Variants in IL1RL1 observed in about 807,000 individuals in gnomAD.
IL1RL1 encodes the protein interleukin-1 receptor-like 1.
In IL1RL1, 32 loss-of-function variants were observed where a neutral mutation model predicts 50.9. The observed-to-expected ratio is 0.63, with a 90% CI of 0.47 to 0.84. The LOEUF (loss-of-function observed/expected upper bound fraction) is 0.84. IL1RL1 is among the 40% of genes least tolerant of loss of function. The pLI is 0.00. For missense variants in IL1RL1, 773 were observed against 662.9 expected, an observed-to-expected ratio of 1.17 and a Z score of -1.82; for synonymous variants, 275 against 236.0, an observed-to-expected ratio of 1.17 and a Z score of -1.51.
intron 8 of IL1RL1, chr2:102,343,630 C>G (rs1285033866): frequency 1.9e-5 from 27 of 1,435,624 alleles, no homozygotes; most frequent in Non-Finnish European, 2.5e-5. Context: ...CGTCCTCCCC[C>G]ACTCCCTCCT....
At chr2:102,324,281 A>T (rs1447017628) in intron 1 of IL1RL1, among the ~76,000 whole-genome samples, 2 of 152,216 alleles carry the variant, frequency 1.3e-5, no homozygotes, top group Admixed American at 6.5e-5. Flanking sequence ...TCCATCAATG[A>T]TGCATGAGAG....
At chr2:102,326,134 T>G (rs1422320017) in intron 1 of IL1RL1, among the ~76,000 whole-genome samples, 1 of 152,226 alleles carries the variant, frequency 6.6e-6, no homozygotes, top group Non-Finnish European at 1.5e-5. Flanking sequence ...GGGAAGCCCA[T>G]CAGACTAAAA....
chr2:102,328,772 A>T (rs1165723941), intron 1 of IL1RL1, among the ~76,000 whole-genome samples: 1 of 152,202 alleles, frequency 6.6e-6, no homozygotes, highest in East Asian at 1.9e-4. Flanking sequence ...CTAGGAATCC[A>T]ACTTACAAGG....
intron 1 of IL1RL1, among the ~76,000 whole-genome samples, chr2:102,332,252 G>A (rs566036871): frequency 6.6e-6 from 1 of 152,256 alleles, no homozygotes; most frequent in South Asian, 2.1e-4. Context: ...TAGAAGTGAT[G>A]AATGCCTTAG....
intron 1 of IL1RL1, among the ~76,000 whole-genome samples, chr2:102,331,603 G>A (rs1677180679): frequency 6.6e-6 from 1 of 152,306 alleles, no homozygotes; most frequent in South Asian, 2.1e-4. Flanking sequence ...CCTCCCAAGG[G>A]TGACTCAGGT....
chr2:102,336,574 T>C (rs1174953868), intron 1 of IL1RL1, among the ~76,000 whole-genome samples: 3 of 152,204 alleles, frequency 2.0e-5, no homozygotes, highest in Non-Finnish European at 4.4e-5. Flanking sequence ...AAGTTTGTTT[T>C]ACCTGGAGCC....
chr2:102,351,127 A>T (rs6749114), intron 10 of IL1RL1, among the ~76,000 whole-genome samples: 22 of 152,088 alleles, frequency 1.4e-4, no homozygotes, highest in Admixed American at 3.9e-4. Flanking sequence ...TGAGTTTGTG[A>T]TTTTTAATAT....
rs1355798920 is a variant in IL1RL1 at position 102,346,186 on chromosome 2, T to A, written c.971-1759T>A. ...AGAACAAAAACTTGAAAGGCCTATG[T>A]CTCCATTTTATTAACTATTACTAAA... On this transcript the variant is annotated intron_variant, in intron 8 of 10. Coordinates refer to ENST00000233954, the MANE Select transcript of IL1RL1 (RefSeq NM_016232.5). The A allele has an allele frequency of 1.3e-5, 4 of 318,506 alleles. No individual in the cohort carries two copies. In the East Asian group the frequency reaches 6.8e-4, roughly 54 times the overall value. The allele number at this position is 318,506 out of a possible 1,614,324, so 19.7% of individuals were successfully genotyped here. A position where few individuals can be genotyped will look rare whatever the true frequency, so the allele number is the denominator to read the frequency against.
intron 5 of IL1RL1, chr2:102,341,047 A>C (rs1197038516): frequency 7.5e-6 from 5 of 668,062 alleles, no homozygotes; most frequent in Non-Finnish European, 1.1e-5. Context: ...TACTAATTCA[A>C]AGCCACATCT....
intron 1 of IL1RL1, among the ~76,000 whole-genome samples, chr2:102,328,975 T>C (rs1479179789): frequency 6.6e-6 from 1 of 152,098 alleles, no homozygotes; most frequent in East Asian, 1.9e-4. Context: ...CTTCACAGAA[T>C]TGGAAAAAAC....
Position 102,338,335 on chromosome 2 carries a change from G to T in IL1RL1, c.61+10G>T, listed in dbSNP as rs1396127359. On this transcript the variant is annotated intron_variant, in intron 2 of 10. Transcript: ENST00000233954. ...ACAGCAGCAAAGTTTAGTAAGTATT[G>T]CCTTCTAAGTATAATTTAAATTTTT... The T allele has an allele frequency of 6.7e-7, 1 of 1,491,642 alleles. No individual in the cohort carries two copies. The highest frequency in any genetic ancestry group is 9.3e-7 in the Non-Finnish European group (1 of 1,077,356). The allele number at this position is 1,491,642 out of a possible 1,614,324, so 92.4% of individuals were successfully genotyped here. A position where few individuals can be genotyped will look rare whatever the true frequency, so the allele number is the denominator to read the frequency against.
rs147316935 is a variant in IL1RL1, at chr2:102,338,919, G to C, written c.144G>C (p.Trp48Cys). 5.0e-6 allele frequency: 8 copies of C among 1,613,806 alleles called. No individual in the cohort carries two copies. Among genetic ancestry groups the C allele is most frequent in the Non-Finnish European group, 5.9e-6 (7 of 1,179,750 alleles). ...RQGKPSYTVD[W>C]YYSQTNKSIP... ...GAAAACCTAGTTACACCGTGGATTG[G>C]TATTACTCACAAACAAACAAAAGTA... The change falls in exon 3 of 11, where the codon TGG becomes TGC. Residue 48 changes from tryptophan to cysteine, a missense_variant. Coordinates refer to ENST00000233954, the MANE Select transcript of IL1RL1 (RefSeq NM_016232.5).
intron 1 of IL1RL1, among the ~76,000 whole-genome samples, chr2:102,324,944 A>G (rs1676948829): frequency 6.6e-6 from 1 of 152,198 alleles, no homozygotes; most frequent in African/African-American, 2.4e-5. Flanking sequence ...AGCTAAACAA[A>G]AGGCAGCAGA....
chr2:102,336,189 G>T (rs569525337), intron 1 of IL1RL1, among the ~76,000 whole-genome samples: 360 of 152,300 alleles, frequency 2.4e-3, no homozygotes, highest in Non-Finnish European at 4.1e-3. Context: ...TGGATTCTGT[G>T]ATTAGTCTAG....
intron 1 of IL1RL1, among the ~76,000 whole-genome samples, chr2:102,333,481 C>T (rs1389797667): frequency 2.0e-5 from 3 of 152,146 alleles, no homozygotes; most frequent in Non-Finnish European, 4.4e-5. Context: ...GCTGAATTTT[C>T]TTTGGGGCAA....
At chr2:102,317,918 AG>A (rs1178871906) in intron 1 of IL1RL1, among the ~76,000 whole-genome samples, 1 of 152,156 alleles carries the variant, frequency 6.6e-6, no homozygotes. Context: ...AATGCAAGAG[AG>A]GGTAAACAGT....
Position 102,338,253 on chromosome 2 carries a change from T to C in IL1RL1, c.-12T>C, listed in dbSNP as rs372016897. 1.9e-5 allele frequency: 31 copies of C among 1,595,702 alleles called. No individual in the cohort carries two copies. The highest frequency in any genetic ancestry group is 2.2e-5 in the South Asian group (2 of 89,824). ...ACGAGTTACCAATACTTGCTCTTGA[T>C]TGATAAACAGAATGGGGTTTTGGAT... On this transcript the variant is annotated 5_prime_UTR_variant, in exon 2 of 11. Coordinates refer to ENST00000233954, the MANE Select transcript of IL1RL1 (RefSeq NM_016232.5).
chr2:102,311,879 AATATAAT>A (rs1159406605), intron 1 of IL1RL1, among the ~76,000 whole-genome samples: 3 of 43,068 alleles, frequency 7.0e-5, no homozygotes, highest in Non-Finnish European at 1.2e-4. Flanking sequence ...TATATTATAT[AATATAAT>A]ATATAATATA....
At chr2:102,334,461 C>G (rs972045577) in intron 1 of IL1RL1, among the ~76,000 whole-genome samples, 1 of 152,056 alleles carries the variant, frequency 6.6e-6, no homozygotes, top group African/African-American at 2.4e-5. Context: ...CTCCAGAGGC[C>G]CAGGCTAGGC....
Sources: allele counts gnomAD v4.1 joint callset (sites outside exome capture counted in the v4.1 genomes callset), GRCh38; gene constraint gnomAD v4.1.1; transcripts MANE v1.5; gene names NCBI Gene and HGNC (gene_info 2026-07-23, HGNC 2026-07-21).